MDN1: variants seen among roughly 807,000 people sequenced by gnomAD.
MDN1 encodes the protein midasin AAA ATPase 1.
In MDN1, 266 loss-of-function variants were observed where a neutral mutation model predicts 669.2. The ratio of observed to expected loss-of-function variants is 0.40; its 90% CI spans 0.36 to 0.44. The LOEUF is 0.44. MDN1 is among the 20% of genes least tolerant of loss of function. The probability of loss-of-function intolerance (pLI) is 1.00; values close to 1 mark genes in which losing one functional copy is unlikely to be tolerated. For missense variants in MDN1, 5,940 were observed against 6,754.0 expected (o/e 0.88, Z 4.22); for synonymous variants, 2,385 against 2,457.1 (o/e 0.97, Z 0.87).
At chr6:89,728,797 A>C (rs1388066019) in intron 36 of MDN1, 134 bp downstream of exon 36, 7 of 972,604 alleles carry the variant, frequency 7.2e-6, no homozygotes, top group South Asian at 1.7e-5. Flanking sequence ...TGTCTCAAAA[A>C]AACAAAGAAA....
intron 90 of MDN1, among the ~76,000 whole-genome samples, 199 bp from the exon 91 acceptor site, chr6:89,657,000 G>T: frequency 6.6e-6 from 1 of 152,226 alleles, no homozygotes; most frequent in East Asian, 1.9e-4. Context: ...TCTAGGTACA[G>T]ACCTTATGTT....
chr6:89,650,393 CAAT>C (rs1283504126), intron 96 of MDN1, among the ~76,000 whole-genome samples, 195 bp from the exon 97 acceptor site: 1 of 152,002 alleles, frequency 6.6e-6, no homozygotes. Flanking sequence ...ACGTATGTGG[CAAT>C]AATAATTAGG....
In MDN1 at chr6:89,687,413, G is replaced by C. The variant is rs34766278; in HGVS notation, c.11381C>G (p.Ala3794Gly). Residue 3794 changes from alanine to glycine, a missense_variant, in exon 68 of 102, where the codon GCT becomes GGT. Around this residue, in one of 5 missense-constraint regions of MDN1, gnomAD observed 2,280 missense variants for 2,576.3 expected, o/e 0.88. Transcript: ENST00000369393. Reference protein sequence around the residue: ...AQDWEENASRALSLRKHLDLI... With the variant: ...AQDWEENASRGLSLRKHLDLI... ...ATCAAGATGTTTCCGCAAAGACAAA[G>C]CTCGACTTGCATTTTCCTCCCAATC... 211,737 of 1,612,760 alleles carry C rather than the reference G, an allele frequency of 0.13. 14,769 individuals are homozygous for C. The highest frequency in any genetic ancestry group is 0.17 in the South Asian group (15,335 of 90,968).
chr6:89,687,856 G>A (rs1053520989), intron 67 of MDN1, among the ~76,000 whole-genome samples: 4 of 152,142 alleles, frequency 2.6e-5, no homozygotes, highest in African/African-American at 4.8e-5. Context: ...CCTCATTACC[G>A]GTAGATACTG....
At chr6:89,742,969 T>G (rs957969165) in intron 31 of MDN1, among the ~76,000 whole-genome samples, 181 bp downstream of exon 31, 1 of 151,934 alleles carries the variant, frequency 6.6e-6, no homozygotes, top group Admixed American at 6.6e-5. Context: ...GTGCACAAGA[T>G]TAAATATCTA....
chr6:89,734,899 G>T (rs1006272842), intron 33 of MDN1, among the ~76,000 whole-genome samples: 2 of 145,626 alleles, frequency 1.4e-5, no homozygotes, highest in Non-Finnish European at 3.0e-5. Flanking sequence ...TTTCTTGGTT[G>T]TTTTTTTTTT....
chr6:89,742,634 A>T (rs189018225), intron 31 of MDN1, among the ~76,000 whole-genome samples: 1 of 152,210 alleles, frequency 6.6e-6, no homozygotes, highest in Non-Finnish European at 1.5e-5. Flanking sequence ...TGATATGTAA[A>T]CTATACCTCA....
intron 83 of MDN1, among the ~76,000 whole-genome samples, chr6:89,670,170 ATTTTT>A (rs766450069): frequency 4.3e-5 from 1 of 23,412 alleles, no homozygotes; most frequent in African/African-American, 2.6e-4. Context: ...ATATATATAT[ATTTTT>A]TTTTTTTTTT....
At chr6:89,653,194 A>G in intron 93 of MDN1, 39 bp from the exon 94 acceptor site, 1 of 1,581,350 alleles carries the variant, frequency 6.3e-7, no homozygotes. Context: ...TTATAATATT[A>G]GCCTGATGAC....
chr6:89,668,900 T>G (rs1810446240), intron 83 of MDN1, among the ~76,000 whole-genome samples: 1 of 152,210 alleles, frequency 6.6e-6, no homozygotes, highest in Admixed American at 6.5e-5. Context: ...TTAGAAAAAT[T>G]TTTAACAAGC....
chr6:89,774,142 T>C (rs981293155), intron 13 of MDN1, among the ~76,000 whole-genome samples: 4 of 152,262 alleles, frequency 2.6e-5, no homozygotes, highest in East Asian at 1.9e-4. Flanking sequence ...ACCAAGTTTA[T>C]GGTAATTTGT....
intron 1 of MDN1, among the ~76,000 whole-genome samples, chr6:89,818,042 G>A (rs531118401): frequency 1.6e-4 from 25 of 152,190 alleles, no homozygotes; most frequent in African/African-American, 5.8e-4. Context: ...TCAGGGCAGG[G>A]CGCTGTGGCT....
At chr6:89,748,789 G>GT (rs1244103522) in intron 26 of MDN1, among the ~76,000 whole-genome samples, 2 of 151,988 alleles carry the variant, frequency 1.3e-5, no homozygotes, top group East Asian at 3.9e-4. Context: ...GCCAAGAACT[G>GT]TGGTTCACAC....
At position 89,780,350 on chromosome 6, in the gene MDN1, C is replaced by A. The variant is rs1048384701; in HGVS notation, c.1644-57G>T. The A allele has an allele frequency of 1.2e-5, 13 of 1,120,114 alleles. 1 individual carries two copies. The Middle Eastern group carries it at 6.1e-4, about 52-fold the overall frequency. The allele number at this position is 1,120,114 out of a possible 1,614,324, so 69.4% of individuals were successfully genotyped here. A position where few individuals can be genotyped will look rare whatever the true frequency, so the allele number is the denominator to read the frequency against. On this transcript the variant is annotated intron_variant, in intron 10 of 101. Coordinates refer to ENST00000369393, the MANE Select transcript of MDN1 (RefSeq NM_014611.3). ...AGAAAAGACCACAGGCCAAAGACAT[C>A]AAAGGCATCAGAATTTATTGACCCA...
At position 89,785,075 on chromosome 6, in the gene MDN1, A is replaced by C. The variant is rs769861706; in HGVS notation, c.1386T>G (p.Thr462=). ...TTTTGGTCCAATATTTGTCTAGCAA[A>C]GTAGCATGACTGTTTAGCGGTCGAT... is the stretch of plus-strand genomic sequence containing the variant. ...NWYRPLNSHA[T]LLDKYWTKIH... Residue 462 remains threonine, a synonymous_variant, in exon 9 of 102, where the codon ACT becomes ACG. Coordinates refer to ENST00000369393, the MANE Select transcript of MDN1 (RefSeq NM_014611.3). 1 of 1,614,164 alleles carries C rather than the reference A, an allele frequency of 6.2e-7. No homozygotes were observed. The highest frequency in any genetic ancestry group is 8.5e-7 in the Non-Finnish European group (1 of 1,180,012).
Position 89,645,067 on chromosome 6 carries a change from C to T in MDN1, c.16550G>A (p.Arg5517Gln), listed in dbSNP as rs143691347. 24 of 1,610,690 alleles carry T rather than the reference C, an allele frequency of 1.5e-5. No individual in the cohort carries two copies. The highest frequency in any genetic ancestry group is 6.7e-5 in the Admixed American group (4 of 59,962). ...ERVLAAVQAA[R>Q]NANIFVIFVV... ...AAAGATGACAAAGATATTTGCATTCCGGGCAGCCTGAACTGCTGCCAGGAC... is the reference window on the plus strand; with the variant it reads ...AAAGATGACAAAGATATTTGCATTCTGGGCAGCCTGAACTGCTGCCAGGAC... The change falls in exon 101 of 102, where the codon CGG (arginine) becomes CAG (glutamine). Residue 5517 changes from arginine (R) to glutamine (Q), a missense_variant. Arg to Gln is a conservative substitution (Grantham distance 43). This residue lies in a region of MDN1 where 2,280 missense variants were observed against 2,576.3 expected (regional missense o/e 0.88). Transcript: ENST00000369393.
Position 89,718,799 on chromosome 6 carries a change from C to A in MDN1, c.6289G>T (p.Asp2097Tyr). ...AATCCACCCAGCAGCTCAGTAGTAT[C>A]CATTGCACTGTTCATAGCCATGATC... ...LKIMAMNSAMDTTELLGGFEQ... is the reference protein window; with the variant it reads ...LKIMAMNSAMYTTELLGGFEQ... The change falls in exon 42 of 102, where the codon GAT becomes TAT. Residue 2097 changes from aspartate to tyrosine, a missense_variant. Physicochemically the swap from Asp to Tyr is radical, Grantham distance 160 (BLOSUM62 -3). Transcript: ENST00000369393. 1 of 1,614,216 alleles carries A rather than the reference C, an allele frequency of 6.2e-7. No homozygotes were observed. The highest frequency in any genetic ancestry group is 1.1e-5 in the South Asian group (1 of 91,086).
At chr6:89,783,424 CG>C (rs1371674734) in intron 9 of MDN1, among the ~76,000 whole-genome samples, 1 of 152,098 alleles carries the variant, frequency 6.6e-6, no homozygotes, top group Non-Finnish European at 1.5e-5. Context: ...GTGGTCAGAC[CG>C]GTCTGTTGTT....
In MDN1 at chr6:89,675,594, A is replaced by G; in HGVS notation, c.12646-15T>C. 1 of 1,608,052 alleles carries G rather than the reference A, an allele frequency of 6.2e-7. No individual in the cohort carries two copies. Among genetic ancestry groups the G allele is most frequent in the Non-Finnish European group, 8.5e-7 (1 of 1,175,118 alleles). On this transcript the variant is annotated splice_polypyrimidine_tract_variant and intron_variant, in intron 77 of 101. Coordinates refer to ENST00000369393, the MANE Select transcript of MDN1 (RefSeq NM_014611.3). Reference sequence around the variant, plus strand: ...ATGCCCATTTCCTGGCAGAAGAAGGAAAAACATGCTGAAGGGGCTGCTGAC... The same window carrying G: ...ATGCCCATTTCCTGGCAGAAGAAGGGAAAACATGCTGAAGGGGCTGCTGAC...
Sources: allele counts gnomAD v4.1 joint callset (sites outside exome capture counted in the v4.1 genomes callset), GRCh38; gene constraint gnomAD v4.1.1; regional missense constraint gnomAD v4.1.1; transcripts MANE v1.5; gene names NCBI Gene and HGNC (gene_info 2026-07-23, HGNC 2026-07-21).